The following GALNTL6 variants were observed in gnomAD, a reference collection of about 807,000 sequenced individuals.
GALNTL6 encodes polypeptide N-acetylgalactosaminyltransferase like 6.
GALNTL6 carries 46 observed loss-of-function variants against 73.7 expected under a neutral mutation model. The observed-to-expected ratio is 0.62, with a 90% confidence interval of 0.49 to 0.80. The LOEUF (loss-of-function observed/expected upper bound fraction) is 0.80. Among genes scored for constraint, GALNTL6 ranks in the 30% least tolerant of loss-of-function variants. The pLI, the probability that GALNTL6 is intolerant of heterozygous loss-of-function variation, is 0.00. For synonymous variants in GALNTL6, 259 were observed against 263.7 expected, an observed-to-expected ratio of 0.98 and a Z score of 0.17; for missense variants, 604 against 755.0, an observed-to-expected ratio of 0.80 and a Z score of 2.34.
intron 7 of GALNTL6, among the ~76,000 whole-genome samples, chr4:172,852,051 T>C (rs571245740): frequency 9.9e-5 from 15 of 152,284 alleles, no homozygotes; most frequent in Non-Finnish European, 1.8e-4. Flanking sequence ...CCTTGGCAAG[T>C]GTGACAGCTT....
intron 3 of GALNTL6, among the ~76,000 whole-genome samples, chr4:172,280,260 A>G (rs1370687010): frequency 6.6e-6 from 1 of 152,186 alleles, no homozygotes; most frequent in Non-Finnish European, 1.5e-5. Context: ...TAATTTTTTT[A>G]ATGAAAACAA....
At position 172,495,536 on chromosome 4, in the gene GALNTL6, G is replaced by A. The variant is rs980939232; in HGVS notation, c.553+146847G>A. Among the ~76,000 whole-genome samples the A allele has an allele frequency of 4.6e-5, 7 of 152,124 alleles. 1 individual carries two copies. The South Asian group carries it at 1.0e-3, about 23-fold the overall frequency. Reference sequence around the variant, plus strand: ...GCCCTTGAAACCTTAGACTCCTCCCGCTTTTGTCCTCCAGAGGACAATGGT... The same window carrying A: ...GCCCTTGAAACCTTAGACTCCTCCCACTTTTGTCCTCCAGAGGACAATGGT... On this transcript the variant is annotated intron_variant, in intron 5 of 12. Transcript: ENST00000506823.
chr4:172,667,381 C>T (rs1731730896), intron 5 of GALNTL6: 1 of 152,226 alleles, frequency 6.6e-6, no homozygotes, highest in Non-Finnish European at 1.5e-5. Flanking sequence ...CTGTCATAAT[C>T]ACAAAGTTAG....
At chr4:172,483,112 G>T (rs868548890) in intron 5 of GALNTL6, among the ~76,000 whole-genome samples, 4 of 152,104 alleles carry the variant, frequency 2.6e-5, no homozygotes, top group Admixed American at 1.3e-4. Flanking sequence ...AATATTTAAT[G>T]TTTAATTTTG....
chr4:172,792,902 T>G (rs575635537), intron 5 of GALNTL6, among the ~76,000 whole-genome samples: 1 of 152,232 alleles, frequency 6.6e-6, no homozygotes, highest in South Asian at 2.1e-4. Context: ...TCCAGGATCT[T>G]CCCTTTCAGA....
intron 5 of GALNTL6, among the ~76,000 whole-genome samples, chr4:172,488,584 AAACTAG>A (rs1733780263): frequency 6.6e-6 from 1 of 152,196 alleles, no homozygotes; most frequent in African/African-American, 2.4e-5. Context: ...GTGACCCAAG[AAACTAG>A]GAAGAAGCTG....
At chr4:172,336,359 C>A (rs1363877947) in intron 4 of GALNTL6, among the ~76,000 whole-genome samples, 2 of 148,644 alleles carry the variant, frequency 1.3e-5, no homozygotes, top group Non-Finnish European at 3.0e-5. Flanking sequence ...CAACCTTTAC[C>A]TGCCAGGTTC....
At chr4:171,816,319 A>G (rs1168530735) in intron 2 of GALNTL6, 2 of 152,034 alleles carry the variant, frequency 1.3e-5, no homozygotes, top group Non-Finnish European at 2.9e-5. Context: ...CATTGACTCT[A>G]TAATTTTGAC....
intron 5 of GALNTL6, among the ~76,000 whole-genome samples, chr4:172,658,701 T>G (rs1414935615): frequency 6.6e-6 from 1 of 152,212 alleles, no homozygotes; most frequent in South Asian, 2.1e-4. Context: ...AAAGATGAGG[T>G]GGCCCCAGCT....
chr4:172,057,752 ATATAT>A (rs1560904297), intron 2 of GALNTL6, among the ~76,000 whole-genome samples: 5 of 142,894 alleles, frequency 3.5e-5, no homozygotes, highest in African/African-American at 1.3e-4. Flanking sequence ...ATATATATAT[ATATAT>A]AAATCAAGTT....
intron 10 of GALNTL6, among the ~76,000 whole-genome samples, chr4:172,996,482 C>G (rs1751789924): frequency 6.6e-6 from 1 of 152,044 alleles, no homozygotes; most frequent in Non-Finnish European, 1.5e-5. Flanking sequence ...TACAACAAAC[C>G]CCCATGACAC....
rs70944407 is a variant in GALNTL6, at chr4:172,401,953, G to GGA, written c.553+53291_553+53292dup. The stretch of plus-strand genomic sequence containing the variant: ...GGAGAGAGGGGGAAAGGGGGAGGGG[G>GGA]GAGAGAGAGAGAGAGAGAGAGAGAG... On this transcript the variant is annotated intron_variant, in intron 5 of 12. Coordinates refer to ENST00000506823, the MANE Select transcript of GALNTL6 (RefSeq NM_001034845.3). Among the ~76,000 whole-genome samples the GGA allele has an allele frequency of 8.9e-4, 82 of 92,252 alleles. 1 individual carries two copies. The highest frequency in any genetic ancestry group is 5.1e-3 in the East Asian group (13 of 2,542). The allele number at this position is 92,252 out of a possible 152,430, so 60.5% of individuals were successfully genotyped here. A position where few individuals can be genotyped will look rare whatever the true frequency, so the allele number is the denominator to read the frequency against.
intron 8 of GALNTL6, among the ~76,000 whole-genome samples, chr4:172,924,935 GA>G (rs1561036896): frequency 6.6e-6 from 1 of 152,086 alleles, no homozygotes; most frequent in African/African-American, 2.4e-5. Context: ...GCAGTGGCGC[GA>G]TCTCGGCTCA....
chr4:172,424,198 T>C (rs1731149016), intron 5 of GALNTL6, among the ~76,000 whole-genome samples: 2 of 152,136 alleles, frequency 1.3e-5, no homozygotes, highest in South Asian at 4.1e-4. Flanking sequence ...GAATTTTAAC[T>C]TGTAAATTTT....
chr4:172,390,415 T>C (rs1024233358), intron 5 of GALNTL6, among the ~76,000 whole-genome samples: 4 of 152,324 alleles, frequency 2.6e-5, no homozygotes, highest in Middle Eastern at 6.8e-3. Context: ...TCTGAAAATA[T>C]TAAATGGAAA....
intron 2 of GALNTL6, among the ~76,000 whole-genome samples, chr4:171,910,645 C>T (rs1737450514): frequency 6.6e-6 from 1 of 151,792 alleles, no homozygotes; most frequent in South Asian, 2.1e-4. Flanking sequence ...CCCTGTTCGC[C>T]ATTTTATAGA....
intron 5 of GALNTL6, among the ~76,000 whole-genome samples, chr4:172,577,316 A>G (rs1290556712): frequency 6.6e-6 from 1 of 152,212 alleles, no homozygotes; most frequent in Non-Finnish European, 1.5e-5. Context: ...CCTAGTGACA[A>G]AGATTCAAAA....
chr4:173,001,294 C>T (rs145826735), intron 10 of GALNTL6, among the ~76,000 whole-genome samples: 2,002 of 152,244 alleles, frequency 0.013, 47 homozygotes, highest in African/African-American at 0.045. Flanking sequence ...TGCTTTCCTT[C>T]GGAAGCCATT....
chr4:172,003,920 C>T (rs1740752012), intron 2 of GALNTL6, among the ~76,000 whole-genome samples: 1 of 152,104 alleles, frequency 6.6e-6, no homozygotes. Context: ...GGTTATGACT[C>T]CTGCACTGAA....
Sources: allele counts gnomAD v4.1 joint callset (sites outside exome capture counted in the v4.1 genomes callset), GRCh38; gene constraint gnomAD v4.1.1; transcripts MANE v1.5; gene names NCBI Gene and HGNC (gene_info 2026-07-23, HGNC 2026-07-21).